The following WDR4 variants were observed in gnomAD, a reference collection of about 807,000 sequenced individuals.
WDR4 encodes tRNA (guanine-N(7)-)-methyltransferase non-catalytic subunit WDR4.
In WDR4, 47 loss-of-function variants were observed where a neutral mutation model predicts 48.6. The ratio of observed to expected loss-of-function variants is 0.97; its 90% CI spans 0.77 to 1.23. The LOEUF is 1.23. Among genes scored for constraint, WDR4 ranks in the 50% most tolerant of loss-of-function variants. The probability of loss-of-function intolerance (pLI) is 0.00; values close to 1 mark genes in which losing one functional copy is unlikely to be tolerated. For synonymous variants in WDR4, 268 were observed against 230.0 expected (o/e 1.17, Z -1.49); for missense variants, 606 against 551.6 (o/e 1.10, Z -0.99).
rs184336061 is a variant in WDR4, at chr21:42,862,397, G to A, written c.454-3C>T. On this transcript the variant is annotated splice_polypyrimidine_tract_variant and splice_region_variant and intron_variant, in intron 4 of 10. Coordinates refer to ENST00000398208, the MANE Select transcript of WDR4 (RefSeq NM_018669.6). This position sits in a 1 kb window ranked among gnomAD's most constrained non-coding sequence, Gnocchi z 4.3. Reference sequence around the variant, plus strand: ...AAGCGGTCATCAGGACTCACAGCCTGCATCACCAGGGGCCAGAAAAGAAAA... The same window carrying A: ...AAGCGGTCATCAGGACTCACAGCCTACATCACCAGGGGCCAGAAAAGAAAA... 112 of 1,598,456 alleles carry A rather than the reference G, an allele frequency of 7.0e-5. No individual in the cohort carries two copies. Among genetic ancestry groups the A allele is most frequent in the Non-Finnish European group, 8.8e-5 (103 of 1,172,302 alleles).
chr21:42,856,793 GCACACACA>G, intron 6 of WDR4, among the ~76,000 whole-genome samples: 1 of 151,688 alleles, frequency 6.6e-6, no homozygotes, highest in East Asian at 1.9e-4. Context: ...ACATACACAC[GCACACACA>G]CACACCTTTC....
the WDR4 span, chr21:42,886,695 G>A: frequency 2.3e-3 from 357 of 152,376 alleles, 2 homozygotes; most frequent in African/African-American, 8.0e-3. Context: ...ATTGCCCGCC[G>A]AGCTTTACAT....
the WDR4 span, among the ~76,000 whole-genome samples, chr21:42,885,872 T>A: frequency 6.6e-6 from 1 of 152,106 alleles, no homozygotes; most frequent in Non-Finnish European, 1.5e-5. Context: ...ACTTTTAAGT[T>A]TTTTGTAGAG....
chr21:42,873,765 GTAATT>G, intron 2 of WDR4, 74 bp from the exon 3 acceptor site: 1 of 1,550,782 alleles, frequency 6.4e-7, no homozygotes. Context: ...GGCCAGCGTG[GTAATT>G]TCTAACATGG....
chr21:42,886,333 T>C, the WDR4 span, among the ~76,000 whole-genome samples: 1 of 152,190 alleles, frequency 6.6e-6, no homozygotes, highest in East Asian at 1.9e-4. Context: ...TGTCTTACAA[T>C]AAAATATTAT....
chr21:42,883,720 G>A (rs1293473627), upstream of WDR4: 2 of 153,660 alleles, frequency 1.3e-5, no homozygotes, highest in African/African-American at 4.8e-5. Flanking sequence ...AGATGAGGAA[G>A]AATTCTCCCC....
intron 3 of WDR4, among the ~76,000 whole-genome samples, chr21:42,869,769 GGA>G (rs2058327889): frequency 6.6e-6 from 1 of 152,194 alleles, no homozygotes; most frequent in Admixed American, 6.5e-5. Flanking sequence ...CGGCACCCTG[GGA>G]AGCCGATGTG....
downstream of WDR4, among the ~76,000 whole-genome samples, chr21:42,844,369 C>T (rs947609129): frequency 3.9e-5 from 6 of 152,072 alleles, no homozygotes; most frequent in Non-Finnish European, 5.9e-5. Context: ...CAAAAGCAGC[C>T]GCAGAATACA....
chr21:42,857,632 G>A (rs1173443024), intron 6 of WDR4, among the ~76,000 whole-genome samples: 1 of 152,142 alleles, frequency 6.6e-6, no homozygotes, highest in Non-Finnish European at 1.5e-5. Context: ...CCGAGAATGG[G>A]TGGCTGCAAA....
chr21:42,883,003 G>A (rs140957378), upstream of WDR4, among the ~76,000 whole-genome samples: 360 of 150,548 alleles, frequency 2.4e-3, 2 homozygotes, highest in African/African-American at 8.3e-3. Context: ...GGAGGCTGAG[G>A]CAGGACAACC....
At chr21:42,845,408 C>T (rs538508588), downstream of WDR4, among the ~76,000 whole-genome samples, 9 of 152,362 alleles carry the variant, frequency 5.9e-5, no homozygotes, top group East Asian at 1.2e-3. Flanking sequence ...GAGGGGCCCT[C>T]GCGGCTGGTC....
chr21:42,846,970 G>A (rs1401853604), downstream of WDR4, among the ~76,000 whole-genome samples: 5 of 102,210 alleles, frequency 4.9e-5, 1 homozygote, highest in Admixed American at 3.4e-4. Flanking sequence ...GCAGTGAGGT[G>A]GAGGTTGCAG....
At chr21:42,879,334 AG>A in intron 1 of WDR4, 72 bp downstream of exon 1, 1 of 1,573,940 alleles carries the variant, frequency 6.4e-7, no homozygotes, top group Non-Finnish European at 8.6e-7. Context: ...GCGGTGCGGG[AG>A]AAGCGGGGTC....
At chr21:42,886,167 G>T in the WDR4 span, among the ~76,000 whole-genome samples, 1 of 152,064 alleles carries the variant, frequency 6.6e-6, no homozygotes, top group Non-Finnish European at 1.5e-5. Context: ...ATGTTGGCCA[G>T]GCTGGTCTCG....
chr21:42,864,355 A>C (rs936153025), intron 3 of WDR4, among the ~76,000 whole-genome samples: 5 of 151,964 alleles, frequency 3.3e-5, no homozygotes, highest in African/African-American at 1.2e-4. Flanking sequence ...ACCAGTCTCC[A>C]GGGCCCCCCA....
Position 42,853,755 on chromosome 21 carries a change from T to C in WDR4, c.792-3A>G, listed in dbSNP as rs1281190836. 6.5e-7 allele frequency: 1 copy of C among 1,550,330 alleles called. No homozygotes were observed. The highest frequency in any genetic ancestry group is 8.7e-7 in the Non-Finnish European group (1 of 1,147,256). ...GGAAGATGTAGACCACAGGAGTGCT[T>C]GCCACGAAGAAAGAGAGCATGATTA... On this transcript the variant is annotated splice_polypyrimidine_tract_variant and splice_region_variant and intron_variant, in intron 8 of 10. Coordinates refer to ENST00000398208, the MANE Select transcript of WDR4 (RefSeq NM_018669.6).
upstream of WDR4, among the ~76,000 whole-genome samples, chr21:42,880,138 A>T (rs2058595732): frequency 1.3e-5 from 2 of 151,884 alleles, no homozygotes; most frequent in African/African-American, 2.4e-5. Flanking sequence ...CTCAAAAAAA[A>T]AAAAAATGTC....
intron 8 of WDR4, among the ~76,000 whole-genome samples, chr21:42,854,081 T>A (rs2057918163): frequency 6.6e-6 from 1 of 152,090 alleles, no homozygotes; most frequent in Admixed American, 6.5e-5. Flanking sequence ...CTAAGAGACC[T>A]CCCCAGGCTG....
chr21:42,877,629 G>C (rs1021533613), intron 1 of WDR4, among the ~76,000 whole-genome samples: 2 of 151,974 alleles, frequency 1.3e-5, no homozygotes, highest in African/African-American at 2.4e-5. Flanking sequence ...TCTTATTGGA[G>C]TACGTCATAC....
Sources: allele counts gnomAD v4.1 joint callset (sites outside exome capture counted in the v4.1 genomes callset), GRCh38; gene constraint gnomAD v4.1.1; non-coding constraint Gnocchi (gnomAD v3.1); transcripts MANE v1.5; gene names NCBI Gene and HGNC (gene_info 2026-07-23, HGNC 2026-07-21).